Variants in THOC2 observed in about 807,000 individuals in gnomAD.
THOC2 encodes the protein THO complex subunit 2.
A neutral mutation model predicts 128.4 loss-of-function variants in THOC2; 10 were observed. The observed-to-expected ratio is 0.08, with a 90% CI of 0.05 to 0.13. The LOEUF is 0.13. Ranked by LOEUF, THOC2 falls within the 10% of genes least tolerant of loss-of-function variation. THOC2 has a pLI of 1.00. For synonymous variants in THOC2, 393 were observed against 396.9 expected, an observed-to-expected ratio of 0.99 and a Z score of 0.12; for missense variants, 535 against 1,155.7, an observed-to-expected ratio of 0.46 and a Z score of 7.79.
chrX:123,726,732 T>A, intron 1 of THOC2, among the ~76,000 whole-genome samples: 1 of 112,013 alleles, frequency 8.9e-6, no homozygotes, highest in Non-Finnish European at 1.9e-5. Context: ...TAATTCTATA[T>A]TGTCAGTCAC....
chrX:123,664,196 T>C (rs2048961577), intron 12 of THOC2, among the ~76,000 whole-genome samples: 1 of 112,366 alleles, frequency 8.9e-6, no homozygotes, highest in Middle Eastern at 4.6e-3. Context: ...ATCGCCACAC[T>C]GTCTTCCACA....
At chrX:123,726,317 T>C (rs2051985059) in intron 1 of THOC2, among the ~76,000 whole-genome samples, 1 of 110,346 alleles carries the variant, frequency 9.1e-6, no homozygotes, top group Non-Finnish European at 1.9e-5. Flanking sequence ...TAAAATGCAA[T>C]TTCAAATATT....
At chrX:123,605,906 C>A (rs1257649745) in intron 38 of THOC2, among the ~76,000 whole-genome samples, 2 of 110,618 alleles carry the variant, frequency 1.8e-5, no homozygotes, top group Non-Finnish European at 3.8e-5. Context: ...AAGAAACGAG[C>A]TGAGTGGGGA....
intron 3 of THOC2, among the ~76,000 whole-genome samples, chrX:123,704,805 C>G (rs2050858709): frequency 9.0e-6 from 1 of 111,567 alleles, no homozygotes; most frequent in South Asian, 3.8e-4. Context: ...TTGTAGTGAG[C>G]CAAGATTGTG....
intron 1 of THOC2, among the ~76,000 whole-genome samples, chrX:123,723,863 T>G (rs2051819108): frequency 9.0e-6 from 1 of 111,611 alleles, no homozygotes; most frequent in African/African-American, 3.3e-5. Flanking sequence ...AGGATAATGT[T>G]TACTACATGA....
chrX:123,656,352 AAGAG>A lies in THOC2; in HGVS notation c.1386+9286_1386+9289del, dbSNP rs1161132096. 3.1e-4 allele frequency among the ~76,000 whole-genome samples: 31 copies of A among 100,156 alleles called. No individual in the cohort carries two copies. The East Asian group carries it at 3.1e-3, about 10-fold the overall frequency. 87.0% of individuals were successfully genotyped at this position (100,156 alleles called of 115,157 possible). ...GTCTAAAAAAAAAAAAAAAAAAAAA[AAGAG>A]AGAGAGAGAGAGAGAGGAACTTATG... On this transcript the variant is annotated intron_variant, in intron 12 of 38. Coordinates refer to ENST00000245838, the MANE Select transcript of THOC2 (RefSeq NM_001081550.2).
intron 1 of THOC2, among the ~76,000 whole-genome samples, chrX:123,726,036 C>T (rs1485246762): frequency 1.5e-4 from 17 of 110,912 alleles, no homozygotes; most frequent in Admixed American, 6.8e-4. Context: ...TGGTGAAACC[C>T]CGTCTCTACT....
chrX:123,691,389 A>AG (rs1386388210), intron 7 of THOC2, among the ~76,000 whole-genome samples: 1 of 111,909 alleles, frequency 8.9e-6, no homozygotes, highest in Non-Finnish European at 1.9e-5. Context: ...AATAGGAAAA[A>AG]GGTGGCACAA....
intron 38 of THOC2, among the ~76,000 whole-genome samples, chrX:123,604,215 G>C (rs962727805): frequency 9.0e-6 from 1 of 111,727 alleles, no homozygotes; most frequent in African/African-American, 3.3e-5. Flanking sequence ...CTCCATCACA[G>C]ACACCTATTG....
chrX:123,653,641 G>T (rs983156972), intron 12 of THOC2, among the ~76,000 whole-genome samples: 3 of 111,384 alleles, frequency 2.7e-5, no homozygotes, highest in Non-Finnish European at 3.8e-5. Context: ...AGACATTTAT[G>T]CAGCCAACAA....
At chrX:123,710,836 A>T (rs919621660) in intron 2 of THOC2, among the ~76,000 whole-genome samples, 1 of 106,901 alleles carries the variant, frequency 9.4e-6, no homozygotes, top group Admixed American at 1.0e-4. Context: ...CTAAAAATAC[A>T]AAAGTTCGCC....
At chrX:123,604,954 C>T (rs2046413657) in intron 38 of THOC2, among the ~76,000 whole-genome samples, 1 of 112,013 alleles carries the variant, frequency 8.9e-6, no homozygotes, top group South Asian at 3.7e-4. Flanking sequence ...ATGAACTTGA[C>T]ATTTAAAAAG....
At chrX:123,720,129 G>C (rs934715320) in intron 1 of THOC2, among the ~76,000 whole-genome samples, 2 of 108,055 alleles carry the variant, frequency 1.9e-5, no homozygotes, top group African/African-American at 6.8e-5. Flanking sequence ...CTAGGCAACA[G>C]AGTGAGACCT....
At chrX:123,613,960 T>C (rs2046797230) in intron 34 of THOC2, 92 bp downstream of exon 34, 22 of 894,274 alleles carry the variant, frequency 2.5e-5, no homozygotes, top group Non-Finnish European at 3.4e-5. Flanking sequence ...CAGACTACTA[T>C]GGAACAAACT....
At chrX:123,633,867 A>C (rs1228500333) in intron 20 of THOC2, 86 bp downstream of exon 20, 1 of 577,263 alleles carries the variant, frequency 1.7e-6, no homozygotes, top group Non-Finnish European at 2.7e-6. Flanking sequence ...TGGTTTTATA[A>C]ACTTACATAT....
intron 2 of THOC2, among the ~76,000 whole-genome samples, chrX:123,711,958 TAAAAAA>T (rs55916247): frequency 6.2e-4 from 29 of 46,843 alleles, no homozygotes; most frequent in African/African-American, 2.3e-3. Context: ...CTGTCTACTT[TAAAAAA>T]AAAAAAAAAA....
In THOC2 at chrX:123,668,269, T is replaced by C. The variant is rs2049125706; in HGVS notation, c.907A>G (p.Ile303Val). ...NCIMDEHKRE[I>V]AEAKQIVRKL... Reference sequence around the variant, plus strand: ...CTAACAATTTGCTTAGCTTCCGCAATTTCTCGTTTGTGTTCATCCATAATG... The same window carrying C: ...CTAACAATTTGCTTAGCTTCCGCAACTTCTCGTTTGTGTTCATCCATAATG... Residue 303 changes from isoleucine (I) to valine (V), a missense_variant, in exon 10 of 39, where the codon ATT becomes GTT. Physicochemically the swap from Ile to Val is conservative, Grantham distance 29. This residue lies in a region of THOC2 where 197 missense variants were observed against 313.4 expected (regional missense o/e 0.63). Coordinates refer to ENST00000245838, the MANE Select transcript of THOC2 (RefSeq NM_001081550.2). The C allele has an allele frequency of 1.7e-6, 2 of 1,202,850 alleles. No individual in the cohort carries two copies. The highest frequency in any genetic ancestry group is 6.0e-5 in the East Asian group (2 of 33,467).
At position 123,623,297 on chromosome X, in the gene THOC2, A is replaced by G. The variant is rs1420106085; in HGVS notation, c.3504-14T>C. 2 of 1,165,914 alleles carry G rather than the reference A, an allele frequency of 1.7e-6. No homozygotes were observed. Among genetic ancestry groups the G allele is most frequent in the South Asian group, 2.1e-5 (1 of 48,691 alleles). On this transcript the variant is annotated splice_polypyrimidine_tract_variant and intron_variant, in intron 28 of 38. Transcript: ENST00000245838. ...TGCCCAGAGTAGCTGAAAGTCGCAC[A>G]AAGTGTTTAAATATACAAACACAAA...
intron 12 of THOC2, among the ~76,000 whole-genome samples, chrX:123,665,311 C>T (rs185778223): frequency 7.2e-5 from 8 of 111,754 alleles, no homozygotes; most frequent in Admixed American, 2.8e-4. Flanking sequence ...GTATTCAGTA[C>T]GGGAACATTC....
Sources: allele counts gnomAD v4.1 joint callset (sites outside exome capture counted in the v4.1 genomes callset), GRCh38; gene constraint gnomAD v4.1.1; regional missense constraint gnomAD v4.1.1; transcripts MANE v1.5; gene names NCBI Gene and HGNC (gene_info 2026-07-23, HGNC 2026-07-21).